FRMPD4: variants seen among roughly 807,000 people sequenced by gnomAD.
FRMPD4 encodes the protein FERM and PDZ domain containing 4.
Under a neutral mutation model 94.1 loss-of-function variants are expected in FRMPD4, and 22 were observed. The ratio of observed to expected loss-of-function variants is 0.23; its 90% CI spans 0.17 to 0.33. FRMPD4 has a LOEUF of 0.33. Ranked by LOEUF, FRMPD4 falls within the 10% of genes least tolerant of loss-of-function variation. The pLI is 1.00. For missense variants in FRMPD4, 1,111 were observed against 1,339.9 expected (o/e 0.83, Z 2.67); for synonymous variants, 631 against 548.6 (o/e 1.15, Z -2.10).
chrX:11,904,921 G>T (rs868667822), intron 3 of FRMPD4, among the ~76,000 whole-genome samples: 1 of 112,210 alleles, frequency 8.9e-6, no homozygotes, highest in Non-Finnish European at 1.9e-5. Context: ...ACTTTCTGTG[G>T]CAGACACAGT....
intron 1 of FRMPD4, among the ~76,000 whole-genome samples, chrX:12,357,188 G>C (rs1395442680): frequency 8.9e-6 from 1 of 112,076 alleles, no homozygotes; most frequent in Non-Finnish European, 1.9e-5. Context: ...ACCTTTTCTA[G>C]TAGTAGACTT....
At chrX:12,487,707 G>T (rs1473532410) in intron 1 of FRMPD4, among the ~76,000 whole-genome samples, 5 of 111,865 alleles carry the variant, frequency 4.5e-5, no homozygotes, top group African/African-American at 1.6e-4. Context: ...CATCTAAGCT[G>T]GGAGTATTAA....
intron 3 of FRMPD4, among the ~76,000 whole-genome samples, chrX:12,016,286 T>C (rs913012338): frequency 4.5e-5 from 5 of 112,077 alleles, no homozygotes; most frequent in African/African-American, 1.3e-4. Context: ...GTCTGTGGGC[T>C]ATCTAATGCT....
At chrX:12,593,836 G>T (rs2059004694) in intron 2 of FRMPD4, among the ~76,000 whole-genome samples, 1 of 111,348 alleles carries the variant, frequency 9.0e-6, no homozygotes. Flanking sequence ...AAATGAGTTT[G>T]CTGAGACACA....
At chrX:12,510,021 A>C (rs2058027057) in intron 2 of FRMPD4, among the ~76,000 whole-genome samples, 1 of 111,792 alleles carries the variant, frequency 8.9e-6, no homozygotes, top group African/African-American at 3.3e-5. Context: ...TCACTAGGAC[A>C]CTGTGGGCCT....
intron 3 of FRMPD4, among the ~76,000 whole-genome samples, chrX:12,068,777 G>T (rs2054942219): frequency 8.9e-6 from 1 of 112,160 alleles, no homozygotes; most frequent in Non-Finnish European, 1.9e-5. Context: ...TGGATTGAAT[G>T]CTATTAAAAC....
At chrX:12,510,004 T>G (rs1166168238) in intron 2 of FRMPD4, among the ~76,000 whole-genome samples, 1 of 112,039 alleles carries the variant, frequency 8.9e-6, no homozygotes, top group Non-Finnish European at 1.9e-5. Flanking sequence ...TCTGTGATGG[T>G]GGATTATCAC....
chrX:12,053,402 G>T (rs2054833315), intron 3 of FRMPD4, among the ~76,000 whole-genome samples: 1 of 91,190 alleles, frequency 1.1e-5, no homozygotes, highest in Non-Finnish European at 2.2e-5. Flanking sequence ...AAGAAAGAAA[G>T]AAAGAAAGAA....
At chrX:12,362,297 G>C (rs1032630960) in intron 1 of FRMPD4, among the ~76,000 whole-genome samples, 1 of 109,899 alleles carries the variant, frequency 9.1e-6, no homozygotes, top group African/African-American at 3.3e-5. Flanking sequence ...ATGTTGGTGT[G>C]CTGCACCCAT....
chrX:11,913,941 T>C (rs988729668), intron 3 of FRMPD4, among the ~76,000 whole-genome samples: 13 of 112,040 alleles, frequency 1.2e-4, no homozygotes, highest in African/African-American at 3.6e-4. Flanking sequence ...AAAACAGATA[T>C]GAAGGAAAGA....
At chrX:11,860,707 A>G (rs924671631) in intron 1 of FRMPD4, among the ~76,000 whole-genome samples, 1 of 112,306 alleles carries the variant, frequency 8.9e-6, no homozygotes, top group African/African-American at 3.2e-5. Context: ...AAAATCTGAT[A>G]TAAATGAACT....
chrX:11,878,193 C>T (rs1157750252), intron 3 of FRMPD4, among the ~76,000 whole-genome samples: 1 of 111,658 alleles, frequency 9.0e-6, no homozygotes, highest in East Asian at 2.8e-4. Flanking sequence ...TTTGTTCAGG[C>T]AATTCAAAAA....
chrX:11,838,104 A>C (rs1249945300), intron 1 of FRMPD4, among the ~76,000 whole-genome samples: 1 of 111,532 alleles, frequency 9.0e-6, no homozygotes, highest in Non-Finnish European at 1.9e-5. Context: ...GTCTAGATTG[A>C]TACCACAAGT....
chrX:12,488,967 C>T (rs749228951), intron 1 of FRMPD4, among the ~76,000 whole-genome samples: 13 of 111,892 alleles, frequency 1.2e-4, no homozygotes, highest in African/African-American at 3.9e-4. Flanking sequence ...CAGCCATGTC[C>T]GTTAGTTTCC....
At chrX:12,386,472 T>C (rs1322699560) in intron 1 of FRMPD4, among the ~76,000 whole-genome samples, 2 of 112,172 alleles carry the variant, frequency 1.8e-5, no homozygotes, top group African/African-American at 6.5e-5. Flanking sequence ...CTCAAAGCAT[T>C]CTGGGGTCTA....
At chrX:12,652,534 T>C (rs1428623372) in intron 4 of FRMPD4, among the ~76,000 whole-genome samples, 2 of 112,031 alleles carry the variant, frequency 1.8e-5, no homozygotes, top group African/African-American at 6.5e-5. Flanking sequence ...CCATTTCCCC[T>C]TCTCCAAGCC....
chrX:12,436,550 T>G (rs2057069494), intron 1 of FRMPD4, among the ~76,000 whole-genome samples: 1 of 111,688 alleles, frequency 9.0e-6, no homozygotes, highest in Non-Finnish European at 1.9e-5. Flanking sequence ...TTTTAGCTCA[T>G]TTTTATTTTC....
chrX:12,106,030 C>T (rs754717786), intron 3 of FRMPD4, among the ~76,000 whole-genome samples: 39 of 112,025 alleles, frequency 3.5e-4, no homozygotes, highest in African/African-American at 1.2e-3. Context: ...TTCAATGAAA[C>T]CTTCACCACC....
chrX:12,091,702 A>G (rs1015878004), intron 3 of FRMPD4, among the ~76,000 whole-genome samples: 1 of 111,837 alleles, frequency 8.9e-6, no homozygotes, highest in African/African-American at 3.3e-5. Context: ...ATTTACCACA[A>G]TTGGGAAGGT....
Sources: gnomAD v4.1 joint callset for allele counts (sites outside exome capture counted in the v4.1 genomes callset) on GRCh38, gnomAD v4.1.1 for gene constraint, MANE v1.5 for transcripts, NCBI Gene and HGNC (gene_info 2026-07-23, HGNC 2026-07-21) for gene names.